Variants in PLA2G2C observed in about 807,000 individuals in gnomAD.
PLA2G2C encodes phospholipase A2 group IIC, also known as putative inactive group IIC secretory phospholipase A2.
A neutral mutation model predicts 14.3 loss-of-function variants in PLA2G2C; 15 were observed. The ratio of observed to expected loss-of-function variants is 1.05; its 90% CI spans 0.70 to 1.62. The LOEUF is 1.62. Among genes scored for constraint, PLA2G2C ranks in the 40% most tolerant of loss-of-function variants. The pLI is 0.00. For synonymous variants in PLA2G2C, 79 were observed against 67.7 expected (o/e 1.17, Z -0.82); for missense variants, 162 against 173.2 (o/e 0.94, Z 0.36).
chr1:20,179,923 T>G (rs1224411422), intron 1 of PLA2G2C, among the ~76,000 whole-genome samples: 1 of 150,868 alleles, frequency 6.6e-6, no homozygotes, highest in African/African-American at 2.4e-5. Context: ...TCTCCCTTCC[T>G]TGTATGTCAC....
chr1:20,176,289 C>G (rs1477952837), intron 2 of PLA2G2C, among the ~76,000 whole-genome samples: 1 of 152,116 alleles, frequency 6.6e-6, no homozygotes, highest in African/African-American at 2.4e-5. Flanking sequence ...GGATGTATAT[C>G]AAACTCTTAA....
chr1:20,178,319 G>C (rs1221032257), intron 1 of PLA2G2C, among the ~76,000 whole-genome samples: 1 of 152,214 alleles, frequency 6.6e-6, no homozygotes, highest in African/African-American at 2.4e-5. Context: ...GGTAACGTCA[G>C]GACTTGGAGT....
chr1:20,175,745 A>C (rs939362471), intron 2 of PLA2G2C, among the ~76,000 whole-genome samples: 1 of 152,194 alleles, frequency 6.6e-6, no homozygotes, highest in Non-Finnish European at 1.5e-5. Flanking sequence ...GTCCACCGAC[A>C]GGGGGATAAT....
At chr1:20,184,379 A>T (rs1364462900) in intron 1 of PLA2G2C, 1 of 152,260 alleles carries the variant, frequency 6.6e-6, no homozygotes, top group Non-Finnish European at 1.5e-5. Context: ...CATTAACAAG[A>T]AATAAGCCGT....
At position 20,179,208 on chromosome 1, in the gene PLA2G2C, T is replaced by TTCTC. The variant is rs574204850; in HGVS notation, c.-76-1773_-76-1770dup. Among the ~76,000 whole-genome samples the TTCTC allele has an allele frequency of 2.6e-3, 346 of 132,188 alleles. 1 individual carries two copies. The highest frequency in any genetic ancestry group is 0.01 in the African/African-American group (333 of 32,320). The allele number at this position is 132,188 out of a possible 152,430, so 86.7% of individuals were successfully genotyped here. ...GTGTCAACTTCCCCTCTATGTCAGT[T>TTCTC]TCTCTGTGTGTGTGTGTGTGTGTGT... On this transcript the variant is annotated intron_variant, in intron 1 of 4. Coordinates refer to ENST00000679259, the MANE Select transcript of PLA2G2C (RefSeq NM_001367969.2).
At chr1:20,183,462 T>C (rs1444166563) in intron 1 of PLA2G2C, among the ~76,000 whole-genome samples, 1 of 152,196 alleles carries the variant, frequency 6.6e-6, no homozygotes, top group African/African-American at 2.4e-5. Context: ...GTTGTAAAAT[T>C]GCTCTGCTGC....
chr1:20,165,650 C>T (rs369694459), intron 4 of PLA2G2C, among the ~76,000 whole-genome samples: 3 of 152,050 alleles, frequency 2.0e-5, no homozygotes, highest in East Asian at 1.9e-4. Context: ...TCAGAGCTGT[C>T]GCACTGTGTG....
chr1:20,177,479 T>G (rs896047051), intron 1 of PLA2G2C, 40 bp from the exon 2 acceptor site: 2 of 582,804 alleles, frequency 3.4e-6, no homozygotes, highest in African/African-American at 3.8e-5. Context: ...GCAAGGGTAT[T>G]TGGGTGCAAA....
In PLA2G2C at chr1:20,172,870, G is replaced by C. The variant is rs550861819; in HGVS notation, c.207C>G (p.Tyr69Ter). 6.2e-7 allele frequency: 1 copy of C among 1,613,816 alleles called. No individual in the cohort carries two copies. Among genetic ancestry groups the C allele is most frequent in the South Asian group, 1.1e-5 (1 of 91,060 alleles). ...DRHSPSSPSP[Y>*]EKLKEFSCQP... ...GGCAGCTGAACTCCTTCAGCTTCTC[G>C]TAGGGAGAGGGAGATGAGGGGCTGT... Residue 69 changes from tyrosine to a stop codon, truncating the protein, a stop_gained, in exon 4 of 5, where the codon TAC becomes TAG. Coordinates refer to ENST00000679259, the MANE Select transcript of PLA2G2C (RefSeq NM_001367969.2). LOFTEE classifies it high-confidence loss of function.
In PLA2G2C at chr1:20,177,330, A is replaced by G; in HGVS notation, c.34T>C (p.Phe12Leu). 1.4e-6 allele frequency: 1 copy of G among 700,860 alleles called. No homozygotes were observed. The allele number at this position is 700,860 out of a possible 1,614,324, so 43.4% of individuals were successfully genotyped here. ...KVIAILTLLL[F>L]CSPTHSSFWQ... is the part of the protein sequence containing the mutation. ...CACCAAGCTCTCTACTTACAGCAGA[A>G]GAGGAGGAGGGTGAGGATGGCAATG... Residue 12 changes from phenylalanine (F) to leucine (L), a missense_variant, in exon 2 of 5, where the codon TTC (phenylalanine) becomes CTC (leucine). Phe to Leu is a conservative substitution (Grantham distance 22). Transcript: ENST00000679259.
At chr1:20,173,089 G>A (rs2018117293) in intron 3 of PLA2G2C, among the ~76,000 whole-genome samples, 192 bp from the exon 4 acceptor site, 1 of 151,600 alleles carries the variant, frequency 6.6e-6, no homozygotes, top group African/African-American at 2.4e-5. Flanking sequence ...CAGGAGGATC[G>A]CTTCAGTCCA....
At chr1:20,171,322 T>G (rs1023581465) in intron 4 of PLA2G2C, among the ~76,000 whole-genome samples, 10 of 152,206 alleles carry the variant, frequency 6.6e-5, no homozygotes, top group African/African-American at 2.2e-4. Flanking sequence ...GGAAGTCTCC[T>G]TGAGCTCACG....
At chr1:20,186,268 A>C (rs2018390845) in intron 1 of PLA2G2C, 92 bp downstream of exon 1, 1 of 152,136 alleles carries the variant, frequency 6.6e-6, no homozygotes, top group Non-Finnish European at 1.5e-5. Context: ...GCCTCCCCAG[A>C]CCCAGCCCGG....
chr1:20,182,233 T>C (rs1051980417), intron 1 of PLA2G2C, among the ~76,000 whole-genome samples: 1 of 152,242 alleles, frequency 6.6e-6, no homozygotes, highest in Non-Finnish European at 1.5e-5. Context: ...AGACCACACA[T>C]ACGATGGTGG....
chr1:20,179,992 G>T (rs574747004), intron 1 of PLA2G2C, among the ~76,000 whole-genome samples: 1 of 150,644 alleles, frequency 6.6e-6, no homozygotes, highest in East Asian at 2.0e-4. Flanking sequence ...GTGTGTGTTA[G>T]CTTCTCCCTC....
intron 1 of PLA2G2C, among the ~76,000 whole-genome samples, chr1:20,180,758 C>A (rs150853062): frequency 1.6e-3 from 242 of 152,328 alleles, no homozygotes; most frequent in African/African-American, 5.4e-3. Flanking sequence ...GACCCGAGGG[C>A]CCGAGGCTTG....
At chr1:20,172,995 G>A (rs1388151206) in intron 3 of PLA2G2C, 98 bp from the exon 4 acceptor site, 2 of 808,678 alleles carry the variant, frequency 2.5e-6, no homozygotes, top group South Asian at 1.6e-5. Context: ...CATTGAAGGT[G>A]AGGAGGTGAA....
intron 4 of PLA2G2C, among the ~76,000 whole-genome samples, chr1:20,170,703 G>GTCACAGAAAAGACACTTTGCTTTA (rs1553183841): frequency 1.2e-4 from 17 of 143,666 alleles, no homozygotes; most frequent in East Asian, 8.1e-4. Context: ...CTGAGGAGGC[G>GTCACAGAAAAGACACTTTGCTTTA]GGTGCTGATG....
rs1212392780 is a variant in PLA2G2C at position 20,163,843 on chromosome 1, A to T, written c.*148T>A. On this transcript the variant is annotated 3_prime_UTR_variant, in exon 5 of 5. Coordinates refer to ENST00000679259, the MANE Select transcript of PLA2G2C (RefSeq NM_001367969.2). Reference sequence around the variant, plus strand: ...ACGACAGGGAGTCCCCTTGGTCAGAATGCTGAAGGGTGAGCTGCCCTGCGG... The same window carrying T: ...ACGACAGGGAGTCCCCTTGGTCAGATTGCTGAAGGGTGAGCTGCCCTGCGG... 1 of 879,606 alleles carries T rather than the reference A, an allele frequency of 1.1e-6. No homozygotes were observed. Among genetic ancestry groups the T allele is most frequent in the Non-Finnish European group, 1.7e-6 (1 of 594,978 alleles). The allele number at this position is 879,606 out of a possible 1,614,324, so 54.5% of individuals were successfully genotyped here.
Sources: allele counts gnomAD v4.1 joint callset (sites outside exome capture counted in the v4.1 genomes callset), GRCh38; gene constraint gnomAD v4.1.1; transcripts MANE v1.5; gene names NCBI Gene and HGNC (gene_info 2026-07-23, HGNC 2026-07-21).